Variants in PTPRU observed in about 807,000 individuals in gnomAD.
PTPRU encodes receptor-type tyrosine-protein phosphatase U.
A neutral mutation model predicts 166.3 loss-of-function variants in PTPRU; 69 were observed. That is an observed-to-expected ratio of 0.41 (90% CI 0.34 to 0.51). PTPRU has a LOEUF of 0.51. Ranked by LOEUF, PTPRU falls within the 20% of genes least tolerant of loss-of-function variation. The pLI is 0.09. For synonymous variants in PTPRU, 793 were observed against 814.0 expected, an observed-to-expected ratio of 0.97 and a Z score of 0.44; for missense variants, 1,657 against 2,013.7, an observed-to-expected ratio of 0.82 and a Z score of 3.39.
intron 15 of PTPRU, among the ~76,000 whole-genome samples, chr1:29,294,421 C>T (rs1270215786): frequency 6.6e-6 from 1 of 152,122 alleles, no homozygotes; most frequent in Non-Finnish European, 1.5e-5. Context: ...ATTGGGTTTT[C>T]TGTTGCTTTC....
In PTPRU at chr1:29,291,965, C is replaced by T. The variant is rs1686658428; in HGVS notation, c.2415C>T (p.Thr805=). The T allele has an allele frequency of 1.2e-6, 2 of 1,614,176 alleles. No homozygotes were observed. The highest frequency in any genetic ancestry group is 1.7e-6 in the Non-Finnish European group (2 of 1,180,030). ...AVDRSFTDQS[T]LQEDERLGLS... ...ACCGCAGCTTCACAGACCAGAGCAC[C>T]CTGCAGGAGGACGAGCGGCTGGGCC... Residue 805 remains threonine (T), a synonymous_variant, in exon 15 of 30, where the codon ACC becomes ACT. Transcript: ENST00000373779. This position sits in a 1 kb window ranked among gnomAD's most constrained non-coding sequence, Gnocchi z 4.1.
chr1:29,324,941 A>C, intron 28 of PTPRU, among the ~76,000 whole-genome samples: 5 of 131,744 alleles, frequency 3.8e-5, no homozygotes, highest in African/African-American at 5.9e-5. Flanking sequence ...TCTGCCCCTC[A>C]TCTCTGGGCT....
In PTPRU at chr1:29,323,496, G is replaced by T. The variant is rs1157561571; in HGVS notation, c.3954G>T (p.Arg1318=). 1.2e-6 allele frequency: 2 copies of T among 1,610,466 alleles called. No individual in the cohort carries two copies. Among genetic ancestry groups the T allele is most frequent in the East Asian group, 4.5e-5 (2 of 44,712 alleles). Residue 1318 remains arginine (R), a splice_region_variant and synonymous_variant, in exon 27 of 30, where the codon CGG becomes CGT. Transcript: ENST00000373779. ...TCTTCCGGGTGCAGAACATCTCTCG[G>T]GTGAGTGGTCTGAGGAGCCCCAGGG... ...ARVFRVQNIS[R]LQEGHLLVRH...
rs1202925672 is a variant in PTPRU, at chr1:29,325,650, G to C, written c.4300G>C (p.Glu1434Gln). ...GGCCCTGGAGTACTTGGAGGGGCTG[G>C]AGTCAAGATAGCGGGGCCCTGGCCT... ...DVALEYLEGL[E>Q]SR Residue 1434 changes from glutamate (E) to glutamine (Q), a missense_variant, in exon 30 of 30, where the codon GAG becomes CAG. Physicochemically the swap from Glu to Gln is conservative, Grantham distance 29. Transcript: ENST00000373779. The C allele has an allele frequency of 5.6e-6, 9 of 1,609,622 alleles. No individual in the cohort carries two copies. Among genetic ancestry groups the C allele is most frequent in the Non-Finnish European group, 7.6e-6 (9 of 1,177,452 alleles).
At chr1:29,276,826 T>C (rs1403333088) in intron 8 of PTPRU, among the ~76,000 whole-genome samples, 2 of 152,154 alleles carry the variant, frequency 1.3e-5, no homozygotes, top group East Asian at 3.8e-4. Context: ...TTCTTTGGAG[T>C]TGATTTGCTG....
rs1688370326 is a variant in PTPRU at position 29,325,492 on chromosome 1, G to A, written c.4249-107G>A. 7 of 1,510,560 alleles carry A rather than the reference G, an allele frequency of 4.6e-6. No homozygotes were observed. In the South Asian group the frequency reaches 7.0e-5, roughly 15 times the overall value. The allele number at this position is 1,510,560 out of a possible 1,614,324, so 93.6% of individuals were successfully genotyped here. A position where few individuals can be genotyped will look rare whatever the true frequency, so the allele number is the denominator to read the frequency against. On this transcript the variant is annotated intron_variant, in intron 29 of 29. Coordinates refer to ENST00000373779, the MANE Select transcript of PTPRU (RefSeq NM_133178.4). ...ATTTCTCCCTTCTCCCCGAGGGCGG[G>A]CCTGGGCTCGGGCTCGTGCTTGCCC...
intron 13 of PTPRU, 67 bp from the exon 14 acceptor site, chr1:29,284,664 A>G: frequency 6.2e-7 from 1 of 1,610,134 alleles, no homozygotes; most frequent in Middle Eastern, 1.7e-4. Flanking sequence ...GGGCACAGCC[A>G]CCTACAGGAG....
At chr1:29,283,120 C>A (rs1163007862) in intron 12 of PTPRU, among the ~76,000 whole-genome samples, 171 bp downstream of exon 12, 1 of 150,708 alleles carries the variant, frequency 6.6e-6, no homozygotes, top group Admixed American at 6.6e-5. Context: ...CCCCCATAGC[C>A]CTACCTCCTG....
chr1:29,278,440 A>G (rs1022387746), intron 8 of PTPRU, among the ~76,000 whole-genome samples: 3 of 152,252 alleles, frequency 2.0e-5, no homozygotes, highest in African/African-American at 7.2e-5. Context: ...CAAGAAAAAC[A>G]AAACAAAGCC....
Position 29,311,414 on chromosome 1 carries a change from G to T in PTPRU, c.2858-42G>T. On this transcript the variant is annotated intron_variant, in intron 19 of 29. Coordinates refer to ENST00000373779, the MANE Select transcript of PTPRU (RefSeq NM_133178.4). The surrounding 1 kb of genome is among the most constrained non-coding windows in gnomAD (Gnocchi z 4.1). ...GCTGGATGTGCTGACCTGGGGTGGA[G>T]ACCTTGTCTCAGGGACAGGCACCCT... 6.3e-7 allele frequency: 1 copy of T among 1,599,074 alleles called. No individual in the cohort carries two copies. Among genetic ancestry groups the T allele is most frequent in the South Asian group, 1.1e-5 (1 of 90,694 alleles).
In PTPRU at chr1:29,282,777, T is replaced by A; in HGVS notation, c.1970T>A (p.Leu657Gln). Residue 657 changes from leucine (L) to glutamine (Q), a missense_variant, in exon 12 of 30, where the codon CTG becomes CAG. This residue lies in a region of PTPRU where 1,190 missense variants were observed against 1,477.4 expected (regional missense o/e 0.81). Coordinates refer to ENST00000373779, the MANE Select transcript of PTPRU (RefSeq NM_133178.4). ...FPVPLTFEAALARGLVHYFGA... is the reference protein window; with the variant it reads ...FPVPLTFEAAQARGLVHYFGA... The stretch of plus-strand genomic sequence containing the variant: ...GTGCCATTGACCTTCGAGGCGGCGC[T>A]GGCCCGAGGCCTGGTGCACTACTTC... 1 of 1,614,102 alleles carries A rather than the reference T, an allele frequency of 6.2e-7. No individual in the cohort carries two copies. The highest frequency in any genetic ancestry group is 1.1e-5 in the South Asian group (1 of 91,080).
chr1:29,310,921 G>A lies in PTPRU; in HGVS notation c.2857+141G>A, dbSNP rs1687626814. On this transcript the variant is annotated intron_variant, in intron 19 of 29. Transcript: ENST00000373779. ...CACCGTCGCCATATTCTGGCTCCCT[G>A]CTTGTTCATCTGCTCCCGATTCTGC... The A allele has an allele frequency of 1.8e-5, 19 of 1,078,366 alleles. No individual in the cohort carries two copies. In the South Asian group the frequency reaches 2.4e-4, roughly 14 times the overall value. 66.8% of individuals were successfully genotyped at this position (1,078,366 alleles called of 1,614,324 possible). A position where few individuals can be genotyped will look rare whatever the true frequency, so the allele number is the denominator to read the frequency against.
intron 3 of PTPRU, 50 bp from the exon 4 acceptor site, chr1:29,259,211 G>A (rs1277796377): frequency 6.4e-7 from 1 of 1,559,188 alleles, no homozygotes; most frequent in Non-Finnish European, 8.8e-7. Flanking sequence ...ACCTCCCCAG[G>A]CAAGGCTGGA....
rs753064744 is a variant in PTPRU at position 29,280,043 on chromosome 1, C to A, written c.1770C>A (p.Pro590=). Residue 590 remains proline (P), a synonymous_variant, in exon 11 of 30, where the codon CCC becomes CCA. Coordinates refer to ENST00000373779, the MANE Select transcript of PTPRU (RefSeq NM_133178.4). The surrounding 1 kb of genome is among the most constrained non-coding windows in gnomAD (Gnocchi z 4.2). ...LTEITTNISA[P]SFDYADMPSP... ...TGACCCTGTCCCCTTCTCCAGCTCC[C>A]AGCTTTGATTATGCCGACATGCCGT... 7.1e-5 allele frequency: 115 copies of A among 1,613,070 alleles called. 1 individual carries two copies. The highest frequency in any genetic ancestry group is 9.2e-5 in the Non-Finnish European group (109 of 1,179,468).
chr1:29,272,922 A>AAAAAAG (rs1685632388), intron 7 of PTPRU, among the ~76,000 whole-genome samples: 1 of 150,346 alleles, frequency 6.7e-6, no homozygotes, highest in African/African-American at 2.5e-5. Flanking sequence ...AAAAAAAAAA[A>AAAAAAG]AAAAAGAAAA....
Position 29,317,908 on chromosome 1 carries a change from C to T in PTPRU, c.3674C>T (p.Ala1225Val). The T allele has an allele frequency of 6.2e-7, 1 of 1,613,920 alleles. No individual in the cohort carries two copies. The highest frequency in any genetic ancestry group is 1.1e-5 in the South Asian group (1 of 91,080). ...TDGDSNNYIN[A>V]ALTDSYTRSA... Reference sequence around the variant, plus strand: ...GGGGACTCCAACAACTACATTAATGCAGCCCTGACTGACGTGAGAGCTTGG... The same window carrying T: ...GGGGACTCCAACAACTACATTAATGTAGCCCTGACTGACGTGAGAGCTTGG... The change falls in exon 25 of 30, where the codon GCA becomes GTA. Residue 1225 changes from alanine to valine, a missense_variant. Ala to Val is a moderately conservative substitution (Grantham distance 64). Coordinates refer to ENST00000373779, the MANE Select transcript of PTPRU (RefSeq NM_133178.4). This position sits in a 1 kb window ranked among gnomAD's most constrained non-coding sequence, Gnocchi z 5.6.
Position 29,312,606 on chromosome 1 carries a change from G to A in PTPRU, c.3127G>A (p.Glu1043Lys), listed in dbSNP as rs892881427. 3.1e-6 allele frequency: 5 copies of A among 1,610,516 alleles called. No homozygotes were observed. The highest frequency in any genetic ancestry group is 4.2e-6 in the Non-Finnish European group (5 of 1,177,434). ...CCAGTTCCACTTCACAGCGTGGCCA[G>A]AGCATGGCGTCCCCTACCATGCCAC... Reference protein sequence around the residue: ...VRQFHFTAWPEHGVPYHATGL... With the variant: ...VRQFHFTAWPKHGVPYHATGL... Residue 1043 changes from glutamate (E) to lysine (K), a missense_variant, in exon 22 of 30, where the codon GAG becomes AAG. Physicochemically the swap from Glu to Lys is moderately conservative, Grantham distance 56 (BLOSUM62 1). This residue lies in a region of PTPRU where 1,190 missense variants were observed against 1,477.4 expected (regional missense o/e 0.81). Transcript: ENST00000373779.
chr1:29,285,056 G>T (rs1381361717), intron 14 of PTPRU, among the ~76,000 whole-genome samples, 187 bp downstream of exon 14: 1 of 152,180 alleles, frequency 6.6e-6, no homozygotes, highest in Non-Finnish European at 1.5e-5. Context: ...CTGGGAAGAT[G>T]GGGCTGCCCT....
Position 29,259,903 on chromosome 1 carries a change from G to C in PTPRU, c.709G>C (p.Val237Leu). The change falls in exon 6 of 30, where the codon GTG (valine) becomes CTG (leucine). Residue 237 changes from valine to leucine, a missense_variant. This residue lies in a region of PTPRU where 453 missense variants were observed against 496.9 expected (regional missense o/e 0.91). Transcript: ENST00000373779. Reference protein sequence around the residue: ...QSGALVPAAGVRHISHRRFLA... With the variant: ...QSGALVPAAGLRHISHRRFLA... ...CGGGGCGCTGGTGCCGGCGGCGGGCGTGCGGCACATCAGCCACCGGCGCTT... is the reference window on the plus strand; with the variant it reads ...CGGGGCGCTGGTGCCGGCGGCGGGCCTGCGGCACATCAGCCACCGGCGCTT... 6.5e-7 allele frequency: 1 copy of C among 1,532,256 alleles called. No homozygotes were observed. The highest frequency in any genetic ancestry group is 8.7e-7 in the Non-Finnish European group (1 of 1,145,714). 94.9% of individuals were successfully genotyped at this position (1,532,256 alleles called of 1,614,324 possible).
Sources: allele counts gnomAD v4.1 joint callset (sites outside exome capture counted in the v4.1 genomes callset), GRCh38; gene constraint gnomAD v4.1.1; regional missense constraint gnomAD v4.1.1; non-coding constraint Gnocchi (gnomAD v3.1); transcripts MANE v1.5; gene names NCBI Gene and HGNC (gene_info 2026-07-23, HGNC 2026-07-21).